RDH13: variants seen among roughly 807,000 people sequenced by gnomAD.
The protein encoded by RDH13 is retinol dehydrogenase 13 (all-trans and 9-cis).
In RDH13, 35 loss-of-function variants were observed where a neutral mutation model predicts 28.3. The observed-to-expected ratio is 1.24, with a 90% confidence interval of 0.95 to 1.64. The LOEUF is 1.64. Among genes scored for constraint, RDH13 ranks in the 40% most tolerant of loss-of-function variants. The pLI, the probability that RDH13 is intolerant of heterozygous loss-of-function variation, is 0.00. For synonymous variants in RDH13, 229 were observed against 198.5 expected (o/e 1.15, Z -1.29); for missense variants, 514 against 446.3 (o/e 1.15, Z -1.37).
rs934058149 is a variant in RDH13 at position 55,059,280 on chromosome 19, G to A, written c.66-5C>T. 6.3e-7 allele frequency: 1 copy of A among 1,580,010 alleles called. No homozygotes were observed. Among genetic ancestry groups the A allele is most frequent in the Non-Finnish European group, 8.6e-7 (1 of 1,160,752 alleles). On this transcript the variant is annotated splice_polypyrimidine_tract_variant and splice_region_variant and intron_variant, in intron 1 of 6. Coordinates refer to ENST00000415061, the MANE Select transcript of RDH13 (RefSeq NM_001145971.2). ...GCCCCACCGGTGACATAGTCCCTGA[G>A]GGTGAGAAGCGGCACGGTCAGTCCT...
At chr19:55,062,573 G>C (rs942965118) in intron 1 of RDH13, among the ~76,000 whole-genome samples, 2 of 151,942 alleles carry the variant, frequency 1.3e-5, no homozygotes, top group Non-Finnish European at 2.9e-5. Flanking sequence ...TCAGCTCCTG[G>C]GGACGCCAAG....
Position 55,059,276 on chromosome 19 carries a change from C to T in RDH13, c.66-1G>A. ...GCAAGCCCCACCGGTGACATAGTCCCTGAGGGTGAGAAGCGGCACGGTCAG... is the reference window on the plus strand; with the variant it reads ...GCAAGCCCCACCGGTGACATAGTCCTTGAGGGTGAGAAGCGGCACGGTCAG... On this transcript the variant is annotated splice_acceptor_variant, in intron 1 of 6. Transcript: ENST00000415061. LOFTEE classifies it high-confidence loss of function. 1 of 1,587,872 alleles carries T rather than the reference C, an allele frequency of 6.3e-7. No individual in the cohort carries two copies.
chr19:55,064,429 A>C (rs1402079229), upstream of RDH13: 1 of 151,594 alleles, frequency 6.6e-6, no homozygotes, highest in African/African-American at 2.4e-5. Context: ...AAAAAAAAAA[A>C]ACCTTAGGCC....
rs753976998 is a variant in RDH13 at position 55,063,027 on chromosome 19, G to T, written c.6C>A (p.Ser2Arg). 1 of 1,436,270 alleles carries T rather than the reference G, an allele frequency of 7.0e-7. No individual in the cohort carries two copies. 89.0% of individuals were successfully genotyped at this position (1,436,270 alleles called of 1,614,324 possible). Reference sequence around the variant, plus strand: ...GCGCCGACAGCGGCAGCAGGTAGCGGCTCATGCCGGGCCGGGGACAGGCGT... The same window carrying T: ...GCGCCGACAGCGGCAGCAGGTAGCGTCTCATGCCGGGCCGGGGACAGGCGT... M[S>R]RYLLPLSALG... Residue 2 changes from serine to arginine, a missense_variant, in exon 1 of 7, where the codon AGC becomes AGA. By Grantham distance (110) the Ser-to-Arg change is moderately radical. Coordinates refer to ENST00000415061, the MANE Select transcript of RDH13 (RefSeq NM_001145971.2).
At chr19:55,061,456 T>C (rs1296014168) in intron 1 of RDH13, among the ~76,000 whole-genome samples, 1 of 151,156 alleles carries the variant, frequency 6.6e-6, no homozygotes, top group Admixed American at 6.6e-5. Flanking sequence ...CCATCTCCCC[T>C]CTGACTGAGC....
At position 55,050,124 on chromosome 19, in the gene RDH13, T is replaced by TG. The variant is rs1568697707; in HGVS notation, c.341-1362_341-1361insC. Among the ~76,000 whole-genome samples the TG allele has an allele frequency of 3.0e-4, 44 of 145,358 alleles. 1 individual carries two copies. The highest frequency in any genetic ancestry group is 3.5e-3 in the Middle Eastern group (1 of 282). Reference sequence around the variant, plus strand: ...CTGCCCCCAGCCTATTTTTTTTTTTTTGGGGGGGGGAGATGGAGTTTCACT... The same window carrying TG: ...CTGCCCCCAGCCTATTTTTTTTTTTTGTGGGGGGGGGAGATGGAGTTTCACT... On this transcript the variant is annotated intron_variant, in intron 3 of 6. Coordinates refer to ENST00000415061, the MANE Select transcript of RDH13 (RefSeq NM_001145971.2).
At position 55,045,063 on chromosome 19, in the gene RDH13, T is replaced by A. The variant is rs369876716; in HGVS notation, c.*11A>T. 1.2e-5 allele frequency: 18 copies of A among 1,557,018 alleles called. No homozygotes were observed. The African/African-American group carries it at 1.8e-4, about 15-fold the overall frequency. On this transcript the variant is annotated 3_prime_UTR_variant, in exon 7 of 7. Coordinates refer to ENST00000415061, the MANE Select transcript of RDH13 (RefSeq NM_001145971.2). Reference sequence around the variant, plus strand: ...GAGGCGCCATCCTGGCTTTCAAATCTGCTCCAGAGGTTATCTGGGGAGGGG... The same window carrying A: ...GAGGCGCCATCCTGGCTTTCAAATCAGCTCCAGAGGTTATCTGGGGAGGGG...
At chr19:55,062,105 G>GA (rs902732923) in intron 1 of RDH13, among the ~76,000 whole-genome samples, 1 of 137,996 alleles carries the variant, frequency 7.2e-6, no homozygotes, top group African/African-American at 2.7e-5. Context: ...CAACAACAGC[G>GA]AAACTCTGTC....
At chr19:55,057,826 T>G (rs550594343) in intron 2 of RDH13, among the ~76,000 whole-genome samples, 1 of 148,776 alleles carries the variant, frequency 6.7e-6, no homozygotes, top group Non-Finnish European at 1.5e-5. Context: ...TTTTTTTTTT[T>G]GAGTCAGTCT....
At chr19:55,041,317 G>C (rs2075023910), downstream of RDH13, 1 of 152,172 alleles carries the variant, frequency 6.6e-6, no homozygotes, top group Non-Finnish European at 1.5e-5. Context: ...AAAATCAAAT[G>C]CAACAGTGAA....
At chr19:55,049,154 G>A (rs775957937) in intron 3 of RDH13, among the ~76,000 whole-genome samples, 1 of 152,192 alleles carries the variant, frequency 6.6e-6, no homozygotes, top group Non-Finnish European at 1.5e-5. Flanking sequence ...AACCGTGAGG[G>A]AATGCACGTC....
intron 1 of RDH13, among the ~76,000 whole-genome samples, chr19:55,069,036 C>A (rs2076013421): frequency 6.9e-6 from 1 of 145,238 alleles, no homozygotes. Flanking sequence ...AACCCAGGAT[C>A]CAAACTCAAG....
downstream of RDH13, among the ~76,000 whole-genome samples, chr19:55,043,920 CT>C (rs1555812976): frequency 0.069 from 9,332 of 135,208 alleles, 358 homozygotes; most frequent in South Asian, 0.11. Context: ...AAAGTCGGAA[CT>C]TTTTTTTTTT....
intron 2 of RDH13, among the ~76,000 whole-genome samples, chr19:55,057,497 A>G (rs1001346085): frequency 1.3e-5 from 2 of 150,794 alleles, no homozygotes; most frequent in Non-Finnish European, 2.9e-5. Flanking sequence ...CGGTGGCGCA[A>G]TCTCGGCTCA....
chr19:55,047,095 C>T (rs1397592789), intron 6 of RDH13: 3 of 1,318,366 alleles, frequency 2.3e-6, no homozygotes, highest in East Asian at 3.0e-5. Context: ...TGGGGTGAAG[C>T]TGGAGTTACC....
chr19:55,043,725 ATGAAAACAT>A (rs2075104717), downstream of RDH13, among the ~76,000 whole-genome samples: 2 of 152,114 alleles, frequency 1.3e-5, no homozygotes, highest in Non-Finnish European at 2.9e-5. Context: ...TATCTCAAAT[ATGAAAACAT>A]GTTTTCTATC....
chr19:55,062,630 A>T (rs960904494), intron 1 of RDH13, among the ~76,000 whole-genome samples: 11 of 151,796 alleles, frequency 7.2e-5, no homozygotes, highest in African/African-American at 2.7e-4. Context: ...CAGTGAGCCA[A>T]GATCGCGCCA....
upstream of RDH13, among the ~76,000 whole-genome samples, chr19:55,066,055 T>C (rs915027836): frequency 1.6e-4 from 24 of 152,154 alleles, no homozygotes; most frequent in Admixed American, 8.5e-4. Flanking sequence ...CATGAAGTCA[T>C]TCATAACAAG....
At chr19:55,059,657 G>A (rs1266994592) in intron 1 of RDH13, among the ~76,000 whole-genome samples, 1 of 152,098 alleles carries the variant, frequency 6.6e-6, no homozygotes, top group Non-Finnish European at 1.5e-5. Context: ...GCGAGACCCC[G>A]TCTCTACTTA....
Sources: allele counts gnomAD v4.1 joint callset (sites outside exome capture counted in the v4.1 genomes callset), GRCh38; gene constraint gnomAD v4.1.1; transcripts MANE v1.5; gene names NCBI Gene and HGNC (gene_info 2026-07-23, HGNC 2026-07-21).